MAST4: variants seen among roughly 807,000 people sequenced by gnomAD.
MAST4 encodes the protein microtubule associated serine/threonine kinase family member 4.
In MAST4, 89 loss-of-function variants were observed where a neutral mutation model predicts 162.7. That is an observed-to-expected ratio of 0.55 (90% CI 0.46 to 0.65). The LOEUF is 0.65. Among genes scored for constraint, MAST4 ranks in the 30% least tolerant of loss-of-function variants. The probability of loss-of-function intolerance (pLI) is 0.00; values close to 1 mark genes in which losing one functional copy is unlikely to be tolerated. For missense variants in MAST4, 3,153 were observed against 3,374.0 expected (o/e 0.93, Z 1.62); for synonymous variants, 1,479 against 1,361.1 (o/e 1.09, Z -1.91).
intron 3 of MAST4, among the ~76,000 whole-genome samples, chr5:66,790,429 G>A (rs903134547): frequency 1.3e-5 from 2 of 152,300 alleles, no homozygotes; most frequent in East Asian, 3.9e-4. Context: ...TTTTGAATGT[G>A]TGAAATAATT....
At chr5:66,975,176 G>A (rs1305723930) in intron 4 of MAST4, among the ~76,000 whole-genome samples, 1 of 152,118 alleles carries the variant, frequency 6.6e-6, no homozygotes, top group East Asian at 1.9e-4. Flanking sequence ...GAGCCTCACA[G>A]GGAGCCTGGC....
chr5:66,860,925 G>A (rs1760068627), intron 3 of MAST4, among the ~76,000 whole-genome samples: 1 of 152,182 alleles, frequency 6.6e-6, no homozygotes, highest in Non-Finnish European at 1.5e-5. Flanking sequence ...GCACTTTCAT[G>A]ATGGAGTTGG....
At chr5:67,159,365 C>G (rs189926269) in intron 26 of MAST4, among the ~76,000 whole-genome samples, 400 of 152,124 alleles carry the variant, frequency 2.6e-3, no homozygotes, top group Non-Finnish European at 4.2e-3. Flanking sequence ...TTCCTATTAT[C>G]TTCTTACTGT....
chr5:66,958,046 CA>C (rs34487512), intron 4 of MAST4, among the ~76,000 whole-genome samples: 4,237 of 152,260 alleles, frequency 0.028, 173 homozygotes, highest in African/African-American at 0.097. Flanking sequence ...AGTTTGACTT[CA>C]TAGCCTTTGA....
At chr5:66,922,128 A>G (rs1033248681) in intron 4 of MAST4, among the ~76,000 whole-genome samples, 2 of 152,214 alleles carry the variant, frequency 1.3e-5, no homozygotes, top group Admixed American at 6.5e-5. Flanking sequence ...TCAGTGGGAA[A>G]GTGTAGCATC....
intron 3 of MAST4, among the ~76,000 whole-genome samples, chr5:66,896,004 G>T (rs1762660250): frequency 6.6e-6 from 1 of 152,020 alleles, no homozygotes; most frequent in Non-Finnish European, 1.5e-5. Flanking sequence ...ATCATCTAAA[G>T]TACAAACTTT....
intron 4 of MAST4, among the ~76,000 whole-genome samples, chr5:66,955,776 T>C (rs542199858): frequency 7.9e-4 from 120 of 152,306 alleles, no homozygotes; most frequent in Non-Finnish European, 1.3e-3. Flanking sequence ...ATCCAAACCA[T>C]GTGTGTATAT....
At chr5:66,792,880 G>C (rs1755480484) in intron 3 of MAST4, among the ~76,000 whole-genome samples, 1 of 152,160 alleles carries the variant, frequency 6.6e-6, no homozygotes, top group Non-Finnish European at 1.5e-5. Context: ...CAAGTATGGG[G>C]GGGATTGGAA....
chr5:67,017,395 G>T (rs1411145980), intron 4 of MAST4, among the ~76,000 whole-genome samples: 2 of 152,120 alleles, frequency 1.3e-5, no homozygotes, highest in African/African-American at 4.8e-5. Context: ...AGGCCTAAGA[G>T]TTACTCAGAT....
chr5:66,987,449 T>G (rs1443174079), intron 4 of MAST4, among the ~76,000 whole-genome samples: 1 of 152,166 alleles, frequency 6.6e-6, no homozygotes, highest in African/African-American at 2.4e-5. Context: ...TTGTAATTTT[T>G]TTCTACTTTT....
chr5:66,745,497 G>A (rs530682222), intron 1 of MAST4, among the ~76,000 whole-genome samples: 13 of 152,248 alleles, frequency 8.5e-5, no homozygotes, highest in South Asian at 6.2e-4. Flanking sequence ...ATCGATCATC[G>A]ATTAATGATC....
At chr5:66,990,200 A>T (rs538226815) in intron 4 of MAST4, among the ~76,000 whole-genome samples, 2 of 152,236 alleles carry the variant, frequency 1.3e-5, no homozygotes, top group African/African-American at 4.8e-5. Flanking sequence ...AATTTTAAAT[A>T]CTTAAAAAAT....
chr5:66,913,075 G>C (rs1226229607), intron 4 of MAST4, among the ~76,000 whole-genome samples: 1 of 152,136 alleles, frequency 6.6e-6, no homozygotes, highest in Non-Finnish European at 1.5e-5. Flanking sequence ...TAGTAGTGAG[G>C]TTTCCCCAAT....
chr5:66,980,672 G>A (rs889647645), intron 4 of MAST4, among the ~76,000 whole-genome samples: 1 of 152,226 alleles, frequency 6.6e-6, no homozygotes, highest in African/African-American at 2.4e-5. Flanking sequence ...TGTGTTTGTT[G>A]CAAGAATATT....
At chr5:67,110,385 C>T (rs1766097040) in intron 11 of MAST4, among the ~76,000 whole-genome samples, 186 bp downstream of exon 11, 1 of 152,156 alleles carries the variant, frequency 6.6e-6, no homozygotes, top group South Asian at 2.1e-4. Flanking sequence ...AAAGAGACTT[C>T]TAGGACTTTT....
chr5:66,975,303 G>C (rs1430217451), intron 4 of MAST4, among the ~76,000 whole-genome samples: 2 of 152,234 alleles, frequency 1.3e-5, no homozygotes, highest in African/African-American at 4.8e-5. Context: ...TGTTACAGCT[G>C]CTGCAGGAAG....
chr5:66,749,280 A>G (rs1458422790), intron 1 of MAST4, among the ~76,000 whole-genome samples: 5 of 152,082 alleles, frequency 3.3e-5, no homozygotes, highest in South Asian at 2.1e-4. Context: ...AGGACATGAC[A>G]TTGGGATTCT....
intron 1 of MAST4, among the ~76,000 whole-genome samples, chr5:66,635,753 C>T (rs1271258947): frequency 6.6e-6 from 1 of 151,638 alleles, no homozygotes; most frequent in Non-Finnish European, 1.5e-5. Context: ...TCTTGGCTCA[C>T]TGCAACCTCC....
intron 4 of MAST4, among the ~76,000 whole-genome samples, chr5:66,901,061 C>T (rs1490516911): frequency 2.6e-5 from 4 of 152,130 alleles, no homozygotes; most frequent in African/African-American, 9.6e-5. Flanking sequence ...TTAACTCTTT[C>T]CTCTTCTGCA....
Sources: allele counts gnomAD v4.1 joint callset (sites outside exome capture counted in the v4.1 genomes callset), GRCh38; gene constraint gnomAD v4.1.1; transcripts MANE v1.5; gene names NCBI Gene and HGNC (gene_info 2026-07-23, HGNC 2026-07-21).